UBR4: variants seen among roughly 807,000 people sequenced by gnomAD.
The protein encoded by UBR4 is E3 ubiquitin-protein ligase UBR4.
UBR4 carries 124 observed loss-of-function variants against 575.6 expected under a neutral mutation model. The ratio of observed to expected loss-of-function variants is 0.22; its 90% confidence interval spans 0.19 to 0.25. The LOEUF (loss-of-function observed/expected upper bound fraction) is 0.25. Ranked by LOEUF, UBR4 falls within the 10% of genes least tolerant of loss-of-function variation. UBR4 has a pLI of 1.00. For synonymous variants in UBR4, 2,455 were observed against 2,473.7 expected, an observed-to-expected ratio of 0.99 and a Z score of 0.22; for missense variants, 4,818 against 6,478.8, an observed-to-expected ratio of 0.74 and a Z score of 8.80.
chr1:19,099,572 T>C (rs771451941), intron 90 of UBR4, 25 bp downstream of exon 90: 1 of 1,607,224 alleles, frequency 6.2e-7, no homozygotes, highest in Non-Finnish European at 8.5e-7. Context: ...AAACCACACC[T>C]CCAAACGAGA....
At chr1:19,108,075 G>A (rs1488957456) in intron 81 of UBR4, among the ~76,000 whole-genome samples, 1 of 152,096 alleles carries the variant, frequency 6.6e-6, no homozygotes, top group African/African-American at 2.4e-5. Context: ...GTTGGAAAAG[G>A]AAAGAATATT....
rs1261290318 is a variant in UBR4, at chr1:19,187,091, TATATAC to T, written c.1632+67_1632+72del. Reference sequence around the variant, plus strand: ...CAAGAAAGTTTTATATATATATATATATATACATATATATATCATATATATAAAATG... The same window carrying T: ...CAAGAAAGTTTTATATATATATATATATATATATATCATATATATAAAATG... On this transcript the variant is annotated intron_variant, in intron 13 of 105. Coordinates refer to ENST00000375254, the MANE Select transcript of UBR4 (RefSeq NM_020765.3). 8.7e-5 allele frequency: 79 copies of T among 909,866 alleles called. 1 individual carries two copies. The African/African-American group carries it at 1.4e-3, about 16-fold the overall frequency. 56.4% of individuals were successfully genotyped at this position (909,866 alleles called of 1,614,324 possible).
chr1:19,081,971 TGG>T (rs2076561047), intron 102 of UBR4: 1 of 589,384 alleles, frequency 1.7e-6, no homozygotes, highest in Admixed American at 3.0e-5. Context: ...TAGTGAGTGA[TGG>T]GGCCAAAAAC....
In UBR4 at chr1:19,086,802, A is replaced by G; in HGVS notation, c.14564T>C (p.Ile4855Thr). ...GGCTACCCGCTTCGTGAAGGTATAAATGCCCAGGACCTTTGTGGGCTGCAA... is the reference window on the plus strand; with the variant it reads ...GGCTACCCGCTTCGTGAAGGTATAAGTGCCCAGGACCTTTGTGGGCTGCAA... ...YKFQPTKVLG[I>T]YTFTKRVALE... The change falls in exon 100 of 106, where the codon ATT (isoleucine) becomes ACT (threonine). Residue 4855 changes from isoleucine (I) to threonine (T), a missense_variant. This residue lies in a region of UBR4 where 196 missense variants were observed against 386.8 expected (regional missense o/e 0.51). Coordinates refer to ENST00000375254, the MANE Select transcript of UBR4 (RefSeq NM_020765.3). The G allele has an allele frequency of 6.2e-7, 1 of 1,614,218 alleles. No individual in the cohort carries two copies. Among genetic ancestry groups the G allele is most frequent in the Non-Finnish European group, 8.5e-7 (1 of 1,180,026 alleles).
chr1:19,091,338 C>T (rs1336583546), intron 97 of UBR4, among the ~76,000 whole-genome samples: 4 of 152,182 alleles, frequency 2.6e-5, no homozygotes, highest in Non-Finnish European at 5.9e-5. Context: ...TTCAGTGAGA[C>T]ACAGTGAAGA....
chr1:19,105,987 G>A, intron 83 of UBR4, 145 bp from the exon 84 acceptor site: 1 of 535,634 alleles, frequency 1.9e-6, no homozygotes, highest in Non-Finnish European at 3.3e-6. Flanking sequence ...AAAATCACCA[G>A]CTAACACAAG....
chr1:19,093,742 C>T lies in UBR4; in HGVS notation c.13937+207G>A, dbSNP rs751342522. 1.3e-5 allele frequency among the ~76,000 whole-genome samples: 2 copies of T among 152,184 alleles called. No individual in the cohort carries two copies. Among genetic ancestry groups the T allele is most frequent in the Admixed American group, 1.3e-4 (2 of 15,286 alleles). On this transcript the variant is annotated intron_variant, in intron 95 of 105. Coordinates refer to ENST00000375254, the MANE Select transcript of UBR4 (RefSeq NM_020765.3). The surrounding 1 kb of genome is among the most constrained non-coding windows in gnomAD (Gnocchi z 4.8). ...CGTCATATTCCTCCCATCTCACCAA[C>T]CACTTTGCCTTCTCTGACTAGCCAA...
At chr1:19,113,306 G>C (rs2080113893) in intron 77 of UBR4, 1 of 264,830 alleles carries the variant, frequency 3.8e-6, no homozygotes. Flanking sequence ...GGCCCACCCT[G>C]GTTGATTGCA....
Position 19,148,124 on chromosome 1 carries a change from T to C in UBR4, c.7498A>G (p.Arg2500Gly). The C allele has an allele frequency of 6.2e-7, 1 of 1,605,526 alleles. No individual in the cohort carries two copies. The highest frequency in any genetic ancestry group is 8.5e-7 in the Non-Finnish European group (1 of 1,178,364). Residue 2500 changes from arginine to glycine, a missense_variant, in exon 51 of 106, where the codon AGA (arginine) becomes GGA (glycine). Arg to Gly is a moderately radical substitution (Grantham distance 125). Transcript: ENST00000375254. ...AGCTCCTGAGCAGCATTCTTGTTTC[T>C]CTCCTAAGGCAAAAGACAGCAGGGT... ...FAVGPIIEKE[R>G]NKNAAQELAT... is the part of the protein sequence containing the mutation.
rs1330550218 is a variant in UBR4 at position 19,187,173 on chromosome 1, G to A, written c.1623C>T (p.Ser541=). 1 of 1,607,804 alleles carries A rather than the reference G, an allele frequency of 6.2e-7. No homozygotes were observed. The highest frequency in any genetic ancestry group is 8.5e-7 in the Non-Finnish European group (1 of 1,176,386). Reference sequence around the variant, plus strand: ...CTTAACTCCCACCCACCTTTCTGTAGGAAGTTGAAAGTAACGTCAAGAGCA... The same window carrying A: ...CTTAACTCCCACCCACCTTTCTGTAAGAAGTTGAAAGTAACGTCAAGAGCA... ...MNLLLTLLST[S]YRKACVLQRQ... The change falls in exon 13 of 106, where the codon TCC becomes TCT. Residue 541 remains serine (S), a synonymous_variant. Transcript: ENST00000375254.
intron 63 of UBR4, among the ~76,000 whole-genome samples, chr1:19,127,387 C>T (rs1238847558): frequency 6.6e-6 from 1 of 152,226 alleles, no homozygotes; most frequent in East Asian, 1.9e-4. Flanking sequence ...AATAATGGAA[C>T]TTCCAAACCC....
rs1023200447 is a variant in UBR4, at chr1:19,139,419, T to C, written c.8594-199A>G. Among the ~76,000 whole-genome samples the C allele has an allele frequency of 2.0e-5, 3 of 152,142 alleles. No individual in the cohort carries two copies. The highest frequency in any genetic ancestry group is 6.5e-5 in the Admixed American group (1 of 15,278). On this transcript the variant is annotated intron_variant, in intron 58 of 105. Transcript: ENST00000375254. This position sits in a 1 kb window ranked among gnomAD's most constrained non-coding sequence, Gnocchi z 4.2. ...GTTAATCACTAACAGGAACAAACAC[T>C]ATACACGGTGCATTGCAAACAGTAC...
intron 8 of UBR4, among the ~76,000 whole-genome samples, chr1:19,194,685 C>T (rs1214945857): frequency 6.6e-6 from 1 of 151,874 alleles, no homozygotes; most frequent in Non-Finnish European, 1.5e-5. Context: ...GCCTATAATC[C>T]CAGCTACTCG....
At chr1:19,162,384 C>A in intron 35 of UBR4, 36 bp downstream of exon 35, 1 of 1,588,102 alleles carries the variant, frequency 6.3e-7, no homozygotes, top group Non-Finnish European at 8.6e-7. Context: ...TAGTCATTAC[C>A]TTGAGAGGTT....
intron 97 of UBR4, 117 bp downstream of exon 97, chr1:19,092,702 T>C (rs1557535536): frequency 3.8e-6 from 3 of 787,394 alleles, no homozygotes; most frequent in South Asian, 2.3e-5. Context: ...AGATGACTTC[T>C]GAGGCTCACT....
intron 1 of UBR4, among the ~76,000 whole-genome samples, chr1:19,208,466 CAAAAAAAAAAAA>C (rs71030137): frequency 1.3e-5 from 1 of 76,892 alleles, no homozygotes; most frequent in Non-Finnish European, 2.6e-5. Context: ...GAATCCATCT[CAAAAAAAAAAAA>C]AAAAAAAAAA....
At chr1:19,116,085 A>G (rs989905928) in intron 73 of UBR4, among the ~76,000 whole-genome samples, 1 of 152,230 alleles carries the variant, frequency 6.6e-6, no homozygotes, top group Non-Finnish European at 1.5e-5. Flanking sequence ...CATAAAGAGG[A>G]AGGTATGTAA....
chr1:19,138,770 T>G (rs887573701), intron 59 of UBR4, among the ~76,000 whole-genome samples: 4 of 152,170 alleles, frequency 2.6e-5, no homozygotes, highest in African/African-American at 9.7e-5. Context: ...GACTTATAAT[T>G]ATGCATATTA....
chr1:19,182,588 C>T (rs1421803902), intron 17 of UBR4, among the ~76,000 whole-genome samples: 2 of 152,154 alleles, frequency 1.3e-5, no homozygotes, highest in African/African-American at 4.8e-5. Context: ...TTCCCACCAG[C>T]AATGCATCAA....
Sources: gnomAD v4.1 joint callset for allele counts (sites outside exome capture counted in the v4.1 genomes callset) on GRCh38, gnomAD v4.1.1 for gene constraint, gnomAD v4.1.1 regional missense constraint, Gnocchi (gnomAD v3.1) non-coding constraint, MANE v1.5 for transcripts, NCBI Gene and HGNC (gene_info 2026-07-23, HGNC 2026-07-21) for gene names.